Variants in NARS2 observed in about 807,000 individuals in gnomAD.
NARS2 encodes the protein asparaginyl-tRNA synthetase 2, mitochondrial.
NARS2 carries 60 observed loss-of-function variants against 62.9 expected under a neutral mutation model. That is an observed-to-expected ratio of 0.95 (90% CI 0.77 to 1.18). The LOEUF (loss-of-function observed/expected upper bound fraction) is 1.18. NARS2 is among the 50% of genes most tolerant of loss of function. The pLI is 0.00. For synonymous variants in NARS2, 196 were observed against 200.0 expected, an observed-to-expected ratio of 0.98 and a Z score of 0.17; for missense variants, 619 against 576.4, an observed-to-expected ratio of 1.07 and a Z score of -0.76.
At chr11:78,562,137 T>G in intron 4 of NARS2, among the ~76,000 whole-genome samples, 1 of 152,170 alleles carries the variant, frequency 6.6e-6, no homozygotes, top group East Asian at 1.9e-4. Context: ...TAAAGAATAC[T>G]CCACATAGGC....
At chr11:78,458,266 T>C (rs141797117) in intron 11 of NARS2, among the ~76,000 whole-genome samples, 1 of 152,232 alleles carries the variant, frequency 6.6e-6, no homozygotes, top group East Asian at 1.9e-4. Context: ...CAACTAAACA[T>C]GAAAGGGGAA....
At chr11:78,456,483 T>G (rs1326546497) in intron 11 of NARS2, among the ~76,000 whole-genome samples, 6 of 152,196 alleles carry the variant, frequency 3.9e-5, no homozygotes, top group Admixed American at 2.0e-4. Context: ...TCATCACTAT[T>G]TCTGTTGGTT....
intron 1 of NARS2, 65 bp from the exon 2 acceptor site, chr11:78,571,509 C>A (rs1171606193): frequency 1.8e-6 from 2 of 1,103,230 alleles, no homozygotes; most frequent in African/African-American, 1.6e-5. Flanking sequence ...CACATACACA[C>A]ACAGACTAAA....
chr11:78,492,989 C>A, intron 7 of NARS2, 74 bp downstream of exon 7: 1 of 1,346,102 alleles, frequency 7.4e-7, no homozygotes, highest in Non-Finnish European at 1.0e-6. Context: ...AACACATAAA[C>A]GTCCGAGGTA....
At chr11:78,448,923 T>G (rs1857862094) in intron 11 of NARS2, among the ~76,000 whole-genome samples, 1 of 152,204 alleles carries the variant, frequency 6.6e-6, no homozygotes, top group African/African-American at 2.4e-5. Context: ...TTTTGGATCT[T>G]AATTCTTTTA....
chr11:78,502,510 G>T (rs187044167), intron 6 of NARS2, among the ~76,000 whole-genome samples: 41 of 152,238 alleles, frequency 2.7e-4, no homozygotes, highest in African/African-American at 6.7e-4. Context: ...TAGGGGTTAG[G>T]ACAATACAAC....
At chr11:78,444,962 G>A (rs886792559) in intron 11 of NARS2, among the ~76,000 whole-genome samples, 1 of 152,068 alleles carries the variant, frequency 6.6e-6, no homozygotes, top group Non-Finnish European at 1.5e-5. Context: ...AAGAAAATCA[G>A]AGATGCAAAA....
chr11:78,514,962 AAAT>A (rs1860849329), intron 6 of NARS2, among the ~76,000 whole-genome samples: 3 of 152,310 alleles, frequency 2.0e-5, no homozygotes, highest in Middle Eastern at 6.8e-3. Flanking sequence ...GACAACTTTA[AAAT>A]AATAATAAAA....
At chr11:78,523,880 A>C (rs555232560) in intron 6 of NARS2, among the ~76,000 whole-genome samples, 11 of 152,250 alleles carry the variant, frequency 7.2e-5, no homozygotes, top group African/African-American at 2.6e-4. Context: ...AAAACCTTAA[A>C]ATTATAAATA....
At chr11:78,474,886 CAT>C (rs1859021505) in intron 9 of NARS2, among the ~76,000 whole-genome samples, 1 of 151,970 alleles carries the variant, frequency 6.6e-6, no homozygotes, top group Non-Finnish European at 1.5e-5. Flanking sequence ...AGGTAATTAA[CAT>C]ATCTATCGTC....
At chr11:78,530,872 T>C (rs1861452211) in intron 5 of NARS2, among the ~76,000 whole-genome samples, 1 of 152,228 alleles carries the variant, frequency 6.6e-6, no homozygotes, top group South Asian at 2.1e-4. Flanking sequence ...CACTACTTCA[T>C]TATGCTTTCC....
At chr11:78,520,652 G>A (rs1861080929) in intron 6 of NARS2, among the ~76,000 whole-genome samples, 1 of 152,028 alleles carries the variant, frequency 6.6e-6, no homozygotes, top group South Asian at 2.1e-4. Context: ...AGCTATATAT[G>A]GGGTTTTGGT....
rs559335656 is a variant in NARS2, at chr11:78,520,302, C to T, written c.689+8540G>A. ...TCTGGTGGCTCTCAGCAATCCTAGG[C>T]ATCACTCAAATCTCTGCTTTTGGCT... is the stretch of plus-strand genomic sequence containing the variant. On this transcript the variant is annotated intron_variant, in intron 6 of 13. Transcript: ENST00000281038. Among the ~76,000 whole-genome samples, 3 of 152,146 alleles carry T rather than the reference C, an allele frequency of 2.0e-5. No homozygotes were observed. In the South Asian group the frequency reaches 6.2e-4, roughly 31 times the overall value.
Position 78,555,358 on chromosome 11 carries a change from T to C in NARS2, c.594+4181A>G, listed in dbSNP as rs558918206. 2.0e-5 allele frequency: 3 copies of C among 152,350 alleles called. No homozygotes were observed. The East Asian group carries it at 5.8e-4, about 29-fold the overall frequency. The allele number at this position is 152,350 out of a possible 1,614,324, so 9.4% of individuals were successfully genotyped here. ...ACTCAGCTATGAATCCATCAGGTCC[T>C]GGGCTTTTTTGGTTGGTAGACTATT... is the stretch of plus-strand genomic sequence containing the variant. On this transcript the variant is annotated intron_variant, in intron 5 of 13. Transcript: ENST00000281038.
At chr11:78,571,178 T>C (rs1856908864) in intron 2 of NARS2, among the ~76,000 whole-genome samples, 157 bp downstream of exon 2, 1 of 152,134 alleles carries the variant, frequency 6.6e-6, no homozygotes, top group Non-Finnish European at 1.5e-5. Context: ...TGAAGGATCT[T>C]GATTCCAAAT....
rs183003466 is a variant in NARS2, at chr11:78,501,076, A to G, written c.690-7881T>C. Reference sequence around the variant, plus strand: ...GACTGTGCTCCAGCCTAGGTGACAGAGTGAGACCCTGTCTCAAACACACAT... The same window carrying G: ...GACTGTGCTCCAGCCTAGGTGACAGGGTGAGACCCTGTCTCAAACACACAT... On this transcript the variant is annotated intron_variant, in intron 6 of 13. Transcript: ENST00000281038. Among the ~76,000 whole-genome samples, 792 of 152,338 alleles carry G rather than the reference A, an allele frequency of 5.2e-3. 8 individuals are homozygous for G. Among genetic ancestry groups the G allele is most frequent in the Middle Eastern group, 0.027 (8 of 294 alleles).
chr11:78,548,800 A>T lies in NARS2; in HGVS notation c.594+10739T>A, dbSNP rs555036698. On this transcript the variant is annotated intron_variant, in intron 5 of 13. Coordinates refer to ENST00000281038, the MANE Select transcript of NARS2 (RefSeq NM_024678.6). ...ATGCGTAAATGTTATTTAAAAAAAA[A>T]TTTTTTTTTAATCCAACCATTTAAA... 9.5e-4 allele frequency among the ~76,000 whole-genome samples: 144 copies of T among 151,914 alleles called. No individual in the cohort carries two copies. In the Middle Eastern group the frequency reaches 0.014, roughly 14 times the overall value.
intron 6 of NARS2, among the ~76,000 whole-genome samples, chr11:78,506,378 T>C (rs1860499025): frequency 6.6e-6 from 1 of 152,184 alleles, no homozygotes; most frequent in South Asian, 2.1e-4. Flanking sequence ...CCTGCATGAA[T>C]TTTCAGAGAG....
intron 5 of NARS2, among the ~76,000 whole-genome samples, chr11:78,543,378 T>A (rs4945292): frequency 0.69 from 104,217 of 152,006 alleles, 37,516 homozygotes; most frequent in Non-Finnish European, 0.81. Context: ...CAATTTCCCC[T>A]AATAATTAGA....
Sources: gnomAD v4.1 joint callset for allele counts (sites outside exome capture counted in the v4.1 genomes callset) on GRCh38, gnomAD v4.1.1 for gene constraint, MANE v1.5 for transcripts, NCBI Gene and HGNC (gene_info 2026-07-23, HGNC 2026-07-21) for gene names.